DLG2: variants seen among roughly 807,000 people sequenced by gnomAD.
DLG2 encodes the protein disks large homolog 2.
A neutral mutation model predicts 132.5 loss-of-function variants in DLG2; 45 were observed. The observed-to-expected ratio is 0.34, with a 90% confidence interval of 0.27 to 0.44. DLG2 has a LOEUF of 0.44. Ranked by LOEUF, DLG2 falls within the 20% of genes least tolerant of loss-of-function variation. The probability of loss-of-function intolerance (pLI) is 1.00; values close to 1 mark genes in which losing one functional copy is unlikely to be tolerated. For missense variants in DLG2, 1,045 were observed against 1,196.9 expected (o/e 0.87, Z 1.87); for synonymous variants, 424 against 419.6 (o/e 1.01, Z -0.13).
At chr11:83,510,568 G>A (rs748068647) in intron 21 of DLG2, among the ~76,000 whole-genome samples, 7 of 152,132 alleles carry the variant, frequency 4.6e-5, no homozygotes, top group Non-Finnish European at 1.0e-4. Context: ...TGCATCACGG[G>A]GATTAGGACT....
chr11:84,681,750 G>A (rs1051163104), intron 6 of DLG2, among the ~76,000 whole-genome samples: 1 of 151,840 alleles, frequency 6.6e-6, no homozygotes, highest in African/African-American at 2.4e-5. Context: ...CGCCCCTGCT[G>A]AGATTCAGAC....
At chr11:83,750,123 C>G (rs2093206679) in intron 18 of DLG2, among the ~76,000 whole-genome samples, 1 of 152,144 alleles carries the variant, frequency 6.6e-6, no homozygotes, top group African/African-American at 2.4e-5. Context: ...TGTCTTTACT[C>G]TAGTTCTTAA....
intron 4 of DLG2, among the ~76,000 whole-genome samples, chr11:85,268,162 T>C (rs1354452508): frequency 6.6e-6 from 1 of 152,166 alleles, no homozygotes; most frequent in Admixed American, 6.6e-5. Flanking sequence ...TCTTCATGCA[T>C]GTGAAAGGAA....
At chr11:84,509,700 T>C (rs1344406956) in intron 7 of DLG2, among the ~76,000 whole-genome samples, 1 of 152,156 alleles carries the variant, frequency 6.6e-6, no homozygotes, top group Non-Finnish European at 1.5e-5. Flanking sequence ...TCTATATGTT[T>C]AAAATGACAA....
intron 10 of DLG2, among the ~76,000 whole-genome samples, chr11:84,077,259 T>C (rs1216003762): frequency 6.6e-6 from 1 of 152,184 alleles, no homozygotes; most frequent in Non-Finnish European, 1.5e-5. Flanking sequence ...CTTTATCTCA[T>C]TCTAGTCTGA....
intron 15 of DLG2, among the ~76,000 whole-genome samples, chr11:83,912,422 C>T (rs2076230886): frequency 6.6e-6 from 1 of 152,046 alleles, no homozygotes; most frequent in African/African-American, 2.4e-5. Context: ...AACACAGTGT[C>T]TACCAAATGT....
intron 6 of DLG2, among the ~76,000 whole-genome samples, chr11:84,978,671 G>A (rs1160991255): frequency 6.6e-6 from 1 of 151,986 alleles, no homozygotes; most frequent in Non-Finnish European, 1.5e-5. Context: ...AATTCAAGAT[G>A]GATTAAAGAT....
chr11:83,982,580 T>C (rs1057028656), intron 11 of DLG2, among the ~76,000 whole-genome samples: 1 of 151,996 alleles, frequency 6.6e-6, no homozygotes, highest in Non-Finnish European at 1.5e-5. Context: ...CTAAGTGTTA[T>C]TACAAAAGAG....
chr11:85,262,011 C>T (rs2076969189), intron 4 of DLG2, among the ~76,000 whole-genome samples: 1 of 152,116 alleles, frequency 6.6e-6, no homozygotes, highest in South Asian at 2.1e-4. Flanking sequence ...TCAGGAGAGT[C>T]ACTGAGGCTA....
intron 6 of DLG2, among the ~76,000 whole-genome samples, chr11:84,635,259 T>C (rs1023541231): frequency 2.0e-5 from 3 of 152,214 alleles, no homozygotes; most frequent in Non-Finnish European, 4.4e-5. Context: ...CAATGCTGCC[T>C]TTCTGATAAA....
At chr11:85,292,988 C>T (rs543799821) in intron 3 of DLG2, among the ~76,000 whole-genome samples, 3 of 151,846 alleles carry the variant, frequency 2.0e-5, no homozygotes, top group Non-Finnish European at 4.4e-5. Context: ...CTTGAAGGGG[C>T]TCTTAATGAC....
chr11:85,375,842 C>G (rs543657378), intron 3 of DLG2, among the ~76,000 whole-genome samples: 1 of 152,256 alleles, frequency 6.6e-6, no homozygotes, highest in East Asian at 1.9e-4. Flanking sequence ...AATTTGCATT[C>G]AGAAACTTAA....
At position 84,341,193 on chromosome 11, in the gene DLG2, G is replaced by A. The variant is rs188704391; in HGVS notation, c.520-89902C>T. Among the ~76,000 whole-genome samples, 235 of 152,188 alleles carry A rather than the reference G, an allele frequency of 1.5e-3. 3 individuals carry two copies. Among genetic ancestry groups the A allele is most frequent in the Admixed American group, 0.014 (210 of 15,290 alleles). On this transcript the variant is annotated intron_variant, in intron 7 of 27. Coordinates refer to ENST00000376104, the MANE Select transcript of DLG2 (RefSeq NM_001142699.3). ...CTCATTATTGGGGGTTCTCATAATA[G>A]TATTCTTGAAGTGTTGTTCTCTCTT...
At position 84,065,376 on chromosome 11, in the gene DLG2, C is replaced by A. The variant is rs183996661; in HGVS notation, c.750-5892G>T. Reference sequence around the variant, plus strand: ...AGGAACTTAAATTTACAAGGAAAAACCAAATAACACCATTAAAAAGTGCAT... The same window carrying A: ...AGGAACTTAAATTTACAAGGAAAAAACAAATAACACCATTAAAAAGTGCAT... On this transcript the variant is annotated intron_variant, in intron 10 of 27. Coordinates refer to ENST00000376104, the MANE Select transcript of DLG2 (RefSeq NM_001142699.3). Among the ~76,000 whole-genome samples the A allele has an allele frequency of 8.2e-3, 1,253 of 151,980 alleles. 12 individuals are homozygous for A. The highest frequency in any genetic ancestry group is 0.029 in the African/African-American group (1,184 of 41,474).
chr11:85,119,530 C>G (rs1374212900), intron 5 of DLG2, among the ~76,000 whole-genome samples: 2 of 151,906 alleles, frequency 1.3e-5, no homozygotes, highest in African/African-American at 2.4e-5. Context: ...ACGGAATGGG[C>G]TGTAATTGTA....
chr11:85,511,409 T>G (rs1478187105), intron 3 of DLG2, among the ~76,000 whole-genome samples: 1 of 151,946 alleles, frequency 6.6e-6, no homozygotes, highest in East Asian at 1.9e-4. Flanking sequence ...GTCTTAATCC[T>G]AAGAACAGTA....
intron 19 of DLG2, among the ~76,000 whole-genome samples, chr11:83,544,606 G>A (rs1353119122): frequency 6.6e-6 from 1 of 152,056 alleles, no homozygotes; most frequent in African/African-American, 2.4e-5. Context: ...CCTGGGAGGT[G>A]GTGATGATAA....
rs1483116503 is a variant in DLG2 at position 83,467,808 on chromosome 11, TATAC to T, written c.2620-995_2620-992del. 2.8e-3 allele frequency among the ~76,000 whole-genome samples: 241 copies of T among 85,270 alleles called. 1 individual carries two copies. The highest frequency in any genetic ancestry group is 4.5e-3 in the Non-Finnish European group (194 of 42,942). 55.9% of individuals were successfully genotyped at this position (85,270 alleles called of 152,430 possible). A position where few individuals can be genotyped will look rare whatever the true frequency, so the allele number is the denominator to read the frequency against. ...ATATATATATATATATATATATATA[TATAC>T]ACACACACATATAAAATATATAATT... On this transcript the variant is annotated intron_variant, in intron 25 of 27. Transcript: ENST00000376104.
chr11:85,377,886 A>AACAC (rs1007873430), intron 3 of DLG2, among the ~76,000 whole-genome samples: 3 of 147,830 alleles, frequency 2.0e-5, no homozygotes, highest in African/African-American at 7.5e-5. Context: ...CACACACACA[A>AACAC]ACACACACAC....
Sources: gnomAD v4.1 joint callset for allele counts (sites outside exome capture counted in the v4.1 genomes callset) on GRCh38, gnomAD v4.1.1 for gene constraint, MANE v1.5 for transcripts, NCBI Gene and HGNC (gene_info 2026-07-23, HGNC 2026-07-21) for gene names.